Variants in TOX2 observed in about 807,000 individuals in gnomAD.
TOX2 encodes the protein TOX high mobility group box family member 2, also known as granulosa cell HMG box 1.
In TOX2, 15 loss-of-function variants were observed where a neutral mutation model predicts 47.4. That is an observed-to-expected ratio of 0.32 (90% CI 0.21 to 0.49). The LOEUF (loss-of-function observed/expected upper bound fraction) is 0.49. Ranked by LOEUF, TOX2 falls within the 20% of genes least tolerant of loss-of-function variation. The pLI, the probability that TOX2 is intolerant of heterozygous loss-of-function variation, is 0.99. For synonymous variants in TOX2, 290 were observed against 296.6 expected (o/e 0.98, Z 0.23); for missense variants, 622 against 673.1 (o/e 0.92, Z 0.84).
At chr20:44,054,659 G>T in intron 5 of TOX2, 133 bp downstream of exon 5, 1 of 984,720 alleles carries the variant, frequency 1.0e-6, no homozygotes, top group Non-Finnish European at 1.5e-6. Flanking sequence ...CTGGGCTCAG[G>T]TTGCCCATCT....
rs572812594 is a variant in TOX2 at position 44,055,903 on chromosome 20, T to TC, written c.879+1378dup. Reference sequence around the variant, plus strand: ...ATTTGAAACATCATCTTTACCGTATTCTAAAATTTTAGGTAATTTTGGAAT... The same window carrying TC: ...ATTTGAAACATCATCTTTACCGTATTCCTAAAATTTTAGGTAATTTTGGAAT... On this transcript the variant is annotated intron_variant, in intron 5 of 8. Transcript: ENST00000341197. Among the ~76,000 whole-genome samples, 25 of 152,280 alleles carry TC rather than the reference T, an allele frequency of 1.6e-4. No homozygotes were observed. In the South Asian group the frequency reaches 4.4e-3, roughly 27 times the overall value.
chr20:44,053,549 T>C (rs6017255), intron 4 of TOX2, among the ~76,000 whole-genome samples: 24 of 54,194 alleles, frequency 4.4e-4, no homozygotes, highest in African/African-American at 9.4e-4. Flanking sequence ...ACTATATATA[T>C]ACATATATAC....
chr20:43,971,346 G>A (rs1479689089), intron 1 of TOX2, among the ~76,000 whole-genome samples: 1 of 152,198 alleles, frequency 6.6e-6, no homozygotes, highest in Non-Finnish European at 1.5e-5. Context: ...TCGGAACAAA[G>A]ACCAAGGGAA....
intron 3 of TOX2, among the ~76,000 whole-genome samples, chr20:44,036,369 C>T (rs2071240172): frequency 6.6e-6 from 1 of 152,232 alleles, no homozygotes; most frequent in African/African-American, 2.4e-5. Context: ...GGGAGCCACA[C>T]AGACATTCAT....
intron 3 of TOX2, among the ~76,000 whole-genome samples, chr20:44,017,275 G>C (rs2070896207): frequency 6.6e-6 from 1 of 152,226 alleles, no homozygotes; most frequent in Non-Finnish European, 1.5e-5. Flanking sequence ...ATGAGTATGG[G>C]GTGAATCTTT....
chr20:44,039,217 GGT>G, intron 3 of TOX2: 1 of 1,287,900 alleles, frequency 7.8e-7, no homozygotes, highest in Non-Finnish European at 1.0e-6. Flanking sequence ...TCTCTGAGGA[GGT>G]GACATTTCAG....
chr20:44,051,651 C>T, intron 4 of TOX2, 106 bp downstream of exon 4: 1 of 1,464,596 alleles, frequency 6.8e-7, no homozygotes. Context: ...CTAGAAAAGC[C>T]TGATGTCCCA....
chr20:44,063,038 T>G (rs984660194), intron 5 of TOX2, among the ~76,000 whole-genome samples: 2 of 152,186 alleles, frequency 1.3e-5, no homozygotes, highest in African/African-American at 4.8e-5. Flanking sequence ...CTAAAAATTC[T>G]AGAAGATAAC....
chr20:44,015,566 C>A (rs1017965513), intron 3 of TOX2, among the ~76,000 whole-genome samples: 2 of 152,090 alleles, frequency 1.3e-5, no homozygotes, highest in African/African-American at 4.8e-5. Context: ...CCTAGCAACC[C>A]CAGAGCGGGA....
At chr20:43,943,675 A>G (rs555892852) in intron 1 of TOX2, among the ~76,000 whole-genome samples, 3 of 152,242 alleles carry the variant, frequency 2.0e-5, no homozygotes, top group Non-Finnish European at 4.4e-5. Flanking sequence ...CAGTGAATGA[A>G]TAAATAAATG....
chr20:44,064,918 C>A (rs1569152015), intron 6 of TOX2, 61 bp downstream of exon 6: 55 of 1,533,560 alleles, frequency 3.6e-5, no homozygotes, highest in Non-Finnish European at 4.5e-5. Flanking sequence ...AGGAATGGAG[C>A]AAGAACTGGG....
chr20:44,047,305 CT>C (rs1428775816), intron 3 of TOX2, among the ~76,000 whole-genome samples: 15 of 152,132 alleles, frequency 9.9e-5, no homozygotes, highest in Admixed American at 9.2e-4. Flanking sequence ...GAAATGCCCC[CT>C]GCATGGTAAA....
intron 2 of TOX2, among the ~76,000 whole-genome samples, chr20:43,990,194 G>GT (rs2070344900): frequency 6.6e-6 from 1 of 152,212 alleles, no homozygotes; most frequent in South Asian, 2.1e-4. Context: ...CACATGGTAA[G>GT]TGCTATATAA....
At position 44,064,834 on chromosome 20, in the gene TOX2, T is replaced by A; in HGVS notation, c.937T>A (p.Tyr313Asn). The change falls in exon 6 of 9, where the codon TAC (tyrosine) becomes AAC (asparagine). Residue 313 changes from tyrosine to asparagine, a missense_variant. By Grantham distance (143) the Tyr-to-Asn change is moderately radical. This residue lies in a region of TOX2 where 294 missense variants were observed against 300.0 expected (regional missense o/e 0.98). Coordinates refer to ENST00000341197, the MANE Select transcript of TOX2 (RefSeq NM_001098797.2). ...GGAATATCTGAAGGCCCTGGCAGCC[T>A]ACCGGGCTAGCCTCGTCTCCAAGGT... is the stretch of plus-strand genomic sequence containing the variant. The part of the protein sequence containing the change: ...KKEYLKALAA[Y>N]RASLVSKSSP... The A allele has an allele frequency of 6.2e-7, 1 of 1,614,126 alleles. No homozygotes were observed. Among genetic ancestry groups the A allele is most frequent in the Non-Finnish European group, 8.5e-7 (1 of 1,180,024 alleles).
chr20:43,996,410 G>T (rs1168648916), intron 2 of TOX2, among the ~76,000 whole-genome samples: 1 of 152,212 alleles, frequency 6.6e-6, no homozygotes, highest in Non-Finnish European at 1.5e-5. Flanking sequence ...GGAACAAGAG[G>T]CGTGGAGCAG....
Position 43,933,869 on chromosome 20 carries a change from G to A in TOX2, c.99+18879G>A, listed in dbSNP as rs566889006. ...GAAAGAGGGGTTCTGGGTGGAACTC[G>A]TGGTCATCCAGTCACAGTATCTTTG... On this transcript the variant is annotated intron_variant, in intron 1 of 8. Coordinates refer to ENST00000341197, the MANE Select transcript of TOX2 (RefSeq NM_001098797.2). Among the ~76,000 whole-genome samples the A allele has an allele frequency of 2.5e-4, 38 of 152,246 alleles. 1 individual carries two copies. In the South Asian group the frequency reaches 7.9e-3, roughly 32 times the overall value.
intron 2 of TOX2, among the ~76,000 whole-genome samples, chr20:43,998,603 A>G (rs1392580491): frequency 6.6e-6 from 1 of 152,146 alleles, no homozygotes; most frequent in African/African-American, 2.4e-5. Flanking sequence ...TCTTCTTAGT[A>G]GATTTATATC....
At chr20:44,015,611 A>G (rs2070865989) in intron 3 of TOX2, among the ~76,000 whole-genome samples, 1 of 152,240 alleles carries the variant, frequency 6.6e-6, no homozygotes, top group Non-Finnish European at 1.5e-5. Flanking sequence ...GATGACCGAT[A>G]AGGAAAAATT....
At position 43,914,974 on chromosome 20, in the gene TOX2, A is replaced by G; in HGVS notation, c.83A>G (p.Tyr28Cys). ...CCGGCCGGCCTGGCGCACCTGGACT[A>G]TTACCACGGCGGCAAGGTAGGCGGG... ...AEPAGLAHLDYYHGGKFDGDS... is the reference protein window; with the variant it reads ...AEPAGLAHLDCYHGGKFDGDS... Residue 28 changes from tyrosine to cysteine, a missense_variant, in exon 1 of 9, where the codon TAT becomes TGT. Around this residue, in one of 3 missense-constraint regions of TOX2, gnomAD observed 307 missense variants for 327.3 expected, o/e 0.94. Transcript: ENST00000341197. This position sits in a 1 kb window ranked among gnomAD's most constrained non-coding sequence, Gnocchi z 4.5. The G allele has an allele frequency of 2.4e-6, 3 of 1,245,042 alleles. No homozygotes were observed. The highest frequency in any genetic ancestry group is 2.0e-6 in the Non-Finnish European group (2 of 994,406). The allele number at this position is 1,245,042 out of a possible 1,614,324, so 77.1% of individuals were successfully genotyped here. A position where few individuals can be genotyped will look rare whatever the true frequency, so the allele number is the denominator to read the frequency against.
Sources: allele counts gnomAD v4.1 joint callset (sites outside exome capture counted in the v4.1 genomes callset), GRCh38; gene constraint gnomAD v4.1.1; regional missense constraint gnomAD v4.1.1; non-coding constraint Gnocchi (gnomAD v3.1); transcripts MANE v1.5; gene names NCBI Gene and HGNC (gene_info 2026-07-23, HGNC 2026-07-21).